The following CADM2 variants were observed in gnomAD, a reference collection of about 807,000 sequenced individuals.
CADM2 encodes immunoglobulin superfamily member 4D.
In CADM2, 12 loss-of-function variants were observed where a neutral mutation model predicts 49.8. The ratio of observed to expected loss-of-function variants is 0.24; its 90% CI spans 0.15 to 0.39. CADM2 has a LOEUF of 0.39. Among genes scored for constraint, CADM2 ranks in the 10% least tolerant of loss-of-function variants. CADM2 has a pLI of 1.00. For missense variants in CADM2, 378 were observed against 492.3 expected (o/e 0.77, Z 2.20); for synonymous variants, 214 against 175.4 (o/e 1.22, Z -1.74).
intron 5 of CADM2, among the ~76,000 whole-genome samples, chr3:85,911,714 C>T (rs1717615803): frequency 2.0e-5 from 3 of 152,032 alleles, no homozygotes; most frequent in African/African-American, 7.2e-5. Flanking sequence ...GCTTGTGGCT[C>T]AGAAAATTAA....
At chr3:86,009,588 T>G (rs565902191) in intron 8 of CADM2, among the ~76,000 whole-genome samples, 1 of 151,858 alleles carries the variant, frequency 6.6e-6, no homozygotes, top group Non-Finnish European at 1.5e-5. Flanking sequence ...GCCATTTTTA[T>G]CTTATGAACT....
chr3:85,990,013 CAAAAA>C (rs58178176), intron 8 of CADM2, among the ~76,000 whole-genome samples: 588 of 9,466 alleles, frequency 0.062, no homozygotes, highest in African/African-American at 0.14. Flanking sequence ...ACTCCATGTC[CAAAAA>C]AAAAAAAAAA....
At chr3:85,277,067 G>T (rs2106870791) in intron 1 of CADM2, among the ~76,000 whole-genome samples, 1 of 151,410 alleles carries the variant, frequency 6.6e-6, no homozygotes, top group East Asian at 1.9e-4. Flanking sequence ...AAAAATGATA[G>T]AACATTGTTA....
chr3:85,641,612 T>C (rs1464895607), intron 1 of CADM2, among the ~76,000 whole-genome samples: 1 of 152,016 alleles, frequency 6.6e-6, no homozygotes, highest in Non-Finnish European at 1.5e-5. Flanking sequence ...GACAGAGATA[T>C]CAGGTATGAA....
intron 3 of CADM2, among the ~76,000 whole-genome samples, chr3:85,871,281 C>G (rs1017416264): frequency 2.6e-5 from 4 of 152,102 alleles, no homozygotes; most frequent in Non-Finnish European, 5.9e-5. Flanking sequence ...TTGAAAAATG[C>G]TCAACATCAC....
At chr3:84,981,664 C>T (rs1456768010) in intron 1 of CADM2, among the ~76,000 whole-genome samples, 5 of 151,946 alleles carry the variant, frequency 3.3e-5, no homozygotes, top group Admixed American at 1.3e-4. Flanking sequence ...CCCTTCTTTC[C>T]TTTCTTCCTC....
intron 1 of CADM2, among the ~76,000 whole-genome samples, chr3:85,262,533 A>T (rs2107894106): frequency 6.6e-6 from 1 of 152,230 alleles, no homozygotes; most frequent in African/African-American, 2.4e-5. Flanking sequence ...GATATATTTT[A>T]TTTGAATAGT....
rs2107462400 is a variant in CADM2, at chr3:86,071,164, A to T, written c.*4381A>T. The T allele has an allele frequency of 6.6e-6, 1 of 152,050 alleles. No homozygotes were observed. Among genetic ancestry groups the T allele is most frequent in the East Asian group, 1.9e-4 (1 of 5,176 alleles). The allele number at this position is 152,050 out of a possible 1,614,324, so 9.4% of individuals were successfully genotyped here. ...AGTTTTAAATTTCGATTCATATCTC[A>T]TTGAATTGGGAATTCTTCAATTTTG... On this transcript the variant is annotated 3_prime_UTR_variant, in exon 10 of 10. Transcript: ENST00000383699.
intron 7 of CADM2, among the ~76,000 whole-genome samples, chr3:85,940,438 T>C (rs1270505552): frequency 2.0e-5 from 3 of 152,038 alleles, no homozygotes; most frequent in Non-Finnish European, 4.4e-5. Flanking sequence ...CATTATACAG[T>C]GCAATTACCA....
chr3:85,175,919 C>CTTTTTTTTTTTTTTT lies in CADM2; in HGVS notation c.61+216264_61+216278dup, dbSNP rs11329456. Among the ~76,000 whole-genome samples, 21 of 76,264 alleles carry CTTTTTTTTTTTTTTT rather than the reference C, an allele frequency of 2.8e-4. 3 individuals are homozygous for CTTTTTTTTTTTTTTT. Among genetic ancestry groups the CTTTTTTTTTTTTTTT allele is most frequent in the African/African-American group, 9.1e-4 (15 of 16,430 alleles). The allele number at this position is 76,264 out of a possible 152,430, so 50.0% of individuals were successfully genotyped here. A position where few individuals can be genotyped will look rare whatever the true frequency, so the allele number is the denominator to read the frequency against. ...CAGTTTATCTGAGTTATGTCCTAATCTTTTTTTTTTTTTTTTTTTTTTTTT... is the reference window on the plus strand; with the variant it reads ...CAGTTTATCTGAGTTATGTCCTAATCTTTTTTTTTTTTTTTTTTTTTTTTTTTTTTTTTTTTTTTT... On this transcript the variant is annotated intron_variant, in intron 1 of 9. Transcript: ENST00000383699.
intron 1 of CADM2, among the ~76,000 whole-genome samples, chr3:85,463,748 G>T (rs953640700): frequency 6.6e-6 from 1 of 152,048 alleles, no homozygotes; most frequent in Admixed American, 6.6e-5. Flanking sequence ...CTCATTAGAA[G>T]ATTTTAAAAA....
chr3:84,971,458 G>A (rs1394063571), intron 1 of CADM2, among the ~76,000 whole-genome samples: 1 of 152,010 alleles, frequency 6.6e-6, no homozygotes, highest in Non-Finnish European at 1.5e-5. Context: ...CTAGGGATGA[G>A]GTAAAACTAA....
intron 6 of CADM2, among the ~76,000 whole-genome samples, chr3:85,922,562 T>C (rs1053846836): frequency 2.0e-5 from 3 of 151,966 alleles, no homozygotes; most frequent in African/African-American, 7.3e-5. Flanking sequence ...AATTGCGCAA[T>C]AATTGGCATG....
chr3:85,832,272 T>G (rs947694963), intron 3 of CADM2, among the ~76,000 whole-genome samples: 21 of 152,018 alleles, frequency 1.4e-4, no homozygotes, highest in African/African-American at 5.1e-4. Context: ...CTTTATTTTT[T>G]TTGCTTAGAA....
At chr3:84,978,252 G>C (rs914197065) in intron 1 of CADM2, among the ~76,000 whole-genome samples, 17 of 152,184 alleles carry the variant, frequency 1.1e-4, no homozygotes, top group African/African-American at 4.1e-4. Flanking sequence ...CTCTGTGAAT[G>C]CAGAGTTACC....
intron 1 of CADM2, among the ~76,000 whole-genome samples, chr3:85,187,213 A>C (rs1429928311): frequency 6.6e-6 from 1 of 152,120 alleles, no homozygotes; most frequent in Non-Finnish European, 1.5e-5. Flanking sequence ...AGCACAGTGC[A>C]ATTGCATGGT....
chr3:85,027,783 T>G (rs1436358345), intron 1 of CADM2, among the ~76,000 whole-genome samples: 1 of 152,174 alleles, frequency 6.6e-6, no homozygotes, highest in African/African-American at 2.4e-5. Flanking sequence ...ATAGATATAA[T>G]AACAATGAAC....
chr3:85,369,958 A>G (rs1225128578), intron 1 of CADM2, among the ~76,000 whole-genome samples: 3 of 151,822 alleles, frequency 2.0e-5, no homozygotes, highest in Admixed American at 6.6e-5. Flanking sequence ...GAATGGAAAG[A>G]GATGTTTTTA....
intron 1 of CADM2, among the ~76,000 whole-genome samples, chr3:85,421,600 C>G (rs1247659993): frequency 6.6e-6 from 1 of 152,186 alleles, no homozygotes; most frequent in Non-Finnish European, 1.5e-5. Flanking sequence ...ACCTACACCT[C>G]ATGGTCCTGA....
Sources: allele counts gnomAD v4.1 joint callset (sites outside exome capture counted in the v4.1 genomes callset), GRCh38; gene constraint gnomAD v4.1.1; transcripts MANE v1.5; gene names NCBI Gene and HGNC (gene_info 2026-07-23, HGNC 2026-07-21).